NIPA2: variants seen among roughly 807,000 people sequenced by gnomAD.
NIPA2 encodes magnesium transporter NIPA2.
Under a neutral mutation model 29.7 loss-of-function variants are expected in NIPA2, and 11 were observed. The observed-to-expected ratio is 0.37, with a 90% CI of 0.23 to 0.61. NIPA2 has a LOEUF of 0.61. Ranked by LOEUF, NIPA2 falls within the 20% of genes least tolerant of loss-of-function variation. The pLI is 0.66. For missense variants in NIPA2, 426 were observed against 437.9 expected (o/e 0.97, Z 0.24); for synonymous variants, 183 against 161.9 (o/e 1.13, Z -0.99).
chr15:22,849,353 G>T (rs932939836), intron 3 of NIPA2, among the ~76,000 whole-genome samples: 1 of 151,740 alleles, frequency 6.6e-6, no homozygotes, highest in Non-Finnish European at 1.5e-5. Context: ...AAGCAAGACG[G>T]GGTCTCCAAA....
chr15:22,857,763 G>A (rs2058297836), intron 5 of NIPA2, among the ~76,000 whole-genome samples: 1 of 150,346 alleles, frequency 6.7e-6, no homozygotes, highest in South Asian at 2.1e-4. Context: ...CTTGAACCCG[G>A]GAGGTGGAGG....
At chr15:22,856,420 C>A (rs1348072109) in intron 5 of NIPA2, among the ~76,000 whole-genome samples, 4 of 150,284 alleles carry the variant, frequency 2.7e-5, no homozygotes, top group African/African-American at 9.8e-5. Context: ...AGAAGTCAGT[C>A]ATACATAAAT....
Position 22,851,515 on chromosome 15 carries a change from A to G in NIPA2, c.-93-124A>G, listed in dbSNP as rs2057737780. The stretch of plus-strand genomic sequence containing the variant: ...GTGCTAAATTTAAATAATAAATATT[A>G]TCAATATTAGTAATGAAGGAGCTAT... On this transcript the variant is annotated intron_variant, in intron 3 of 7. Coordinates refer to ENST00000337451, the MANE Select transcript of NIPA2 (RefSeq NM_030922.7). The G allele has an allele frequency of 6.7e-6, 2 of 299,888 alleles. 1 individual carries two copies. The highest frequency in any genetic ancestry group is 9.9e-5 in the Admixed American group (2 of 20,260). The allele number at this position is 299,888 out of a possible 1,614,324, so 18.6% of individuals were successfully genotyped here. A position where few individuals can be genotyped will look rare whatever the true frequency, so the allele number is the denominator to read the frequency against.
At position 22,868,259 on chromosome 15, in the gene NIPA2, C is replaced by CATAT. The variant is rs2059280317; in HGVS notation, c.*1412_*1413insATAT. ...CCATTTTAATACTACAGATGTACTA[C>CATAT]GTATCTGTTTATATACTGTACCTAC... is the stretch of plus-strand genomic sequence containing the variant. On this transcript the variant is annotated 3_prime_UTR_variant, in exon 8 of 8. Transcript: ENST00000337451. 1 of 151,664 alleles carries CATAT rather than the reference C, an allele frequency of 6.6e-6. No homozygotes were observed. The allele number at this position is 151,664 out of a possible 1,614,324, so 9.4% of individuals were successfully genotyped here. A position where few individuals can be genotyped will look rare whatever the true frequency, so the allele number is the denominator to read the frequency against.
At chr15:22,848,774 G>A (rs1436830012) in intron 3 of NIPA2, among the ~76,000 whole-genome samples, 1 of 128,002 alleles carries the variant, frequency 7.8e-6, no homozygotes, top group Non-Finnish European at 1.6e-5. Context: ...GCAGTGAGCC[G>A]AGATCATGCT....
intron 5 of NIPA2, among the ~76,000 whole-genome samples, chr15:22,855,070 A>C (rs1470252552): frequency 6.6e-6 from 1 of 152,146 alleles, no homozygotes; most frequent in Non-Finnish European, 1.5e-5. Context: ...AAAATACAAA[A>C]AATCACCATG....
Position 22,866,960 on chromosome 15 carries a change from T to C in NIPA2, c.*113T>C. 9 of 1,063,588 alleles carry C rather than the reference T, an allele frequency of 8.5e-6. No individual in the cohort carries two copies. Among genetic ancestry groups the C allele is most frequent in the Non-Finnish European group, 1.2e-5 (9 of 751,508 alleles). 65.9% of individuals were successfully genotyped at this position (1,063,588 alleles called of 1,614,324 possible). On this transcript the variant is annotated 3_prime_UTR_variant, in exon 8 of 8. Coordinates refer to ENST00000337451, the MANE Select transcript of NIPA2 (RefSeq NM_030922.7). ...ATAATGTTCTTTAAAGGCAATCTTT[T>C]TAAAGATTTCACTAATTTGGACCAA...
Position 22,866,121 on chromosome 15 carries a change from C to T in NIPA2, c.449-92C>T, listed in dbSNP as rs888344037. 18 of 1,030,364 alleles carry T rather than the reference C, an allele frequency of 1.7e-5. 1 individual carries two copies. In the South Asian group the frequency reaches 2.8e-4, roughly 16 times the overall value. The allele number at this position is 1,030,364 out of a possible 1,614,324, so 63.8% of individuals were successfully genotyped here. ...TTTTTATTTCCAGGCCATACCTTTT[C>T]TCCCTATCAAGTTTATTATATTTTG... On this transcript the variant is annotated intron_variant, in intron 7 of 7. Transcript: ENST00000337451.
intron 5 of NIPA2, among the ~76,000 whole-genome samples, chr15:22,855,078 A>G (rs1253884920): frequency 6.6e-6 from 1 of 152,082 alleles, no homozygotes. Context: ...AAAAATCACC[A>G]TGCCTATTTT....
At chr15:22,847,732 G>A (rs1046912119) in intron 3 of NIPA2, among the ~76,000 whole-genome samples, 1 of 152,118 alleles carries the variant, frequency 6.6e-6, no homozygotes, top group South Asian at 2.1e-4. Context: ...AAAGTGTTGG[G>A]ATTACAGGCA....
At chr15:22,844,297 A>G (rs1285364823) in intron 2 of NIPA2, among the ~76,000 whole-genome samples, 1 of 152,010 alleles carries the variant, frequency 6.6e-6, no homozygotes, top group East Asian at 1.9e-4. Context: ...GTGGTGGTTC[A>G]CTCCTGTAAT....
chr15:22,842,324 T>G (rs1344583513), intron 2 of NIPA2, among the ~76,000 whole-genome samples: 1 of 151,952 alleles, frequency 6.6e-6, no homozygotes, highest in Non-Finnish European at 1.5e-5. Flanking sequence ...GGAGGAAAGG[T>G]AGGAGCAGGT....
chr15:22,860,726 CATGCTCCA>C lies in NIPA2; in HGVS notation c.387_394del (p.His129GlnfsTer6). The C allele has an allele frequency of 6.2e-7, 1 of 1,604,760 alleles. No homozygotes were observed. Among genetic ancestry groups the C allele is most frequent in the Non-Finnish European group, 8.5e-7 (1 of 1,176,494 alleles). On this transcript the variant is annotated frameshift_variant, in exon 7 of 8. Coordinates refer to ENST00000337451, the MANE Select transcript of NIPA2 (RefSeq NM_030922.7). LOFTEE classifies it high-confidence loss of function. ...TCTAGGATCTACAGTTATGGTCATT[CATGCTCCA>C]AAGGAAGAGGAGATTGAGACTTTAA...
intron 5 of NIPA2, among the ~76,000 whole-genome samples, 177 bp downstream of exon 5, chr15:22,853,445 C>T (rs1242216082): frequency 6.7e-6 from 1 of 149,630 alleles, no homozygotes; most frequent in African/African-American, 2.5e-5. Context: ...GTGATCTTGG[C>T]TCAGTGCAAC....
chr15:22,865,197 TC>T (rs764450653), intron 7 of NIPA2, among the ~76,000 whole-genome samples: 17 of 150,302 alleles, frequency 1.1e-4, no homozygotes, highest in Non-Finnish European at 2.4e-4. Context: ...TCTTTAATAA[TC>T]TATTACTGCT....
rs1435922372 is a variant in NIPA2, at chr15:22,860,618, C to G, written c.288-11C>G. ...ATTAAAGTTCTCAATTTTTTTTCCT[C>G]CCCATTTTAGTGCCATTCTTTCTTC... On this transcript the variant is annotated splice_polypyrimidine_tract_variant and intron_variant, in intron 6 of 7. Coordinates refer to ENST00000337451, the MANE Select transcript of NIPA2 (RefSeq NM_030922.7). 1.3e-6 allele frequency: 2 copies of G among 1,523,874 alleles called. No individual in the cohort carries two copies. Among genetic ancestry groups the G allele is most frequent in the Non-Finnish European group, 1.8e-6 (2 of 1,138,896 alleles). The allele number at this position is 1,523,874 out of a possible 1,614,324, so 94.4% of individuals were successfully genotyped here. A position where few individuals can be genotyped will look rare whatever the true frequency, so the allele number is the denominator to read the frequency against.
chr15:22,862,601 C>G (rs2058699103), intron 7 of NIPA2, among the ~76,000 whole-genome samples: 1 of 151,998 alleles, frequency 6.6e-6, no homozygotes, highest in South Asian at 2.1e-4. Flanking sequence ...CTAAGAGTTT[C>G]TTGCCTCTGT....
intron 4 of NIPA2, among the ~76,000 whole-genome samples, 197 bp from the exon 5 acceptor site, chr15:22,853,015 G>C (rs1470369829): frequency 6.6e-6 from 1 of 152,150 alleles, no homozygotes; most frequent in Admixed American, 6.6e-5. Flanking sequence ...CACTGTTCAT[G>C]ACGGGTATGC....
intron 2 of NIPA2, among the ~76,000 whole-genome samples, chr15:22,842,836 A>T (rs1408216818): frequency 6.7e-6 from 1 of 149,892 alleles, no homozygotes. Context: ...ATCCAAAAAA[A>T]TTAAAAAATG....
Sources: allele counts gnomAD v4.1 joint callset (sites outside exome capture counted in the v4.1 genomes callset), GRCh38; gene constraint gnomAD v4.1.1; transcripts MANE v1.5; gene names NCBI Gene and HGNC (gene_info 2026-07-23, HGNC 2026-07-21).